Variants in RBFOX1 observed in about 807,000 individuals in gnomAD.
The protein encoded by RBFOX1 is RNA binding fox-1 homolog 1.
RBFOX1 carries 8 observed loss-of-function variants against 57.7 expected under a neutral mutation model. That is an observed-to-expected ratio of 0.14 (90% confidence interval 0.08 to 0.25). RBFOX1 has a LOEUF of 0.25. RBFOX1 is among the 10% of genes least tolerant of loss of function. The pLI is 1.00. For synonymous variants in RBFOX1, 326 were observed against 222.4 expected, an observed-to-expected ratio of 1.47 and a Z score of -4.15; for missense variants, 611 against 548.5, an observed-to-expected ratio of 1.11 and a Z score of -1.14.
intron 2 of RBFOX1, among the ~76,000 whole-genome samples, chr16:5,479,163 G>A (rs1002967493): frequency 9.9e-5 from 15 of 152,008 alleles, no homozygotes; most frequent in African/African-American, 2.9e-4. Flanking sequence ...AGACTTCCTC[G>A]GCCCTCATTA....
At chr16:6,151,128 A>G (rs1351102309) in intron 1 of RBFOX1, among the ~76,000 whole-genome samples, 5 of 152,128 alleles carry the variant, frequency 3.3e-5, no homozygotes, top group Non-Finnish European at 7.4e-5. Context: ...CCATAAATAC[A>G]TATTTGCTGA....
intron 4 of RBFOX1, among the ~76,000 whole-genome samples, chr16:7,144,255 T>G (rs963585257): frequency 3.9e-5 from 6 of 152,114 alleles, no homozygotes; most frequent in African/African-American, 1.2e-4. Flanking sequence ...GAGTGTTTAA[T>G]GAAAGCAAAG....
At chr16:6,059,159 T>C (rs2095653501) in intron 1 of RBFOX1, 1 of 152,228 alleles carries the variant, frequency 6.6e-6, no homozygotes, top group African/African-American at 2.4e-5. Context: ...AGGTGAATAA[T>C]TCATCTGGAC....
At chr16:5,353,211 T>C (rs769367993) in intron 1 of RBFOX1, among the ~76,000 whole-genome samples, 36 of 151,954 alleles carry the variant, frequency 2.4e-4, no homozygotes, top group Admixed American at 9.8e-4. Context: ...CCATCTCTAC[T>C]AAAAATAAAT....
At chr16:5,929,692 C>A (rs2059009047) in intron 4 of RBFOX1, among the ~76,000 whole-genome samples, 1 of 152,102 alleles carries the variant, frequency 6.6e-6, no homozygotes, top group Non-Finnish European at 1.5e-5. Flanking sequence ...TCTGAGTGAT[C>A]ATCCCTGAGC....
chr16:7,315,462 C>G (rs4491517), intron 4 of RBFOX1, among the ~76,000 whole-genome samples: 5,134 of 148,148 alleles, frequency 0.035, 185 homozygotes, highest in Non-Finnish European at 0.043. Context: ...CCCTACCCCC[C>G]CCCCCATACT....
intron 1 of RBFOX1, among the ~76,000 whole-genome samples, chr16:5,428,764 G>A (rs938141464): frequency 6.6e-6 from 1 of 152,180 alleles, no homozygotes; most frequent in East Asian, 1.9e-4. Context: ...TGGAGAAATT[G>A]AGTATAACTT....
At chr16:6,773,950 C>G in intron 3 of RBFOX1, 1 of 985,254 alleles carries the variant, frequency 1.0e-6, no homozygotes, top group Non-Finnish European at 1.2e-6. Context: ...TGTGTGCACA[C>G]GCACATGGTT....
chr16:7,486,503 TTC>T (rs1031752036), intron 4 of RBFOX1, among the ~76,000 whole-genome samples: 2 of 152,052 alleles, frequency 1.3e-5, no homozygotes, highest in Non-Finnish European at 2.9e-5. Flanking sequence ...GTCACTTAAC[TTC>T]TCTCGGTTTT....
intron 1 of RBFOX1, among the ~76,000 whole-genome samples, chr16:6,139,766 T>A (rs114292027): frequency 6.6e-6 from 1 of 152,190 alleles, no homozygotes; most frequent in African/African-American, 2.4e-5. Context: ...TTTCTCCTTA[T>A]GTATCTGTTT....
chr16:6,758,610 T>G (rs1322223030), intron 3 of RBFOX1, among the ~76,000 whole-genome samples: 2 of 152,214 alleles, frequency 1.3e-5, no homozygotes, highest in Non-Finnish European at 2.9e-5. Flanking sequence ...TGATTGATTC[T>G]ATAATGCAAA....
chr16:7,172,701 T>G (rs1013079114), intron 4 of RBFOX1, among the ~76,000 whole-genome samples: 4 of 152,112 alleles, frequency 2.6e-5, no homozygotes, highest in Non-Finnish European at 5.9e-5. Flanking sequence ...CAGAGGGGGA[T>G]CTTGACACAC....
intron 3 of RBFOX1, among the ~76,000 whole-genome samples, chr16:5,605,650 A>G (rs1181851323): frequency 6.6e-6 from 1 of 150,972 alleles, no homozygotes. Flanking sequence ...TTGATGAGTA[A>G]GTCTGCCTTG....
At chr16:6,866,541 A>AATTTTTTTTTTTTTTTTT (rs761820657) in intron 3 of RBFOX1, among the ~76,000 whole-genome samples, 1 of 78,886 alleles carries the variant, frequency 1.3e-5, no homozygotes, top group African/African-American at 5.6e-5. Flanking sequence ...CTTTCCTTCT[A>AATTTTTTTTTTTTTTTTT]TTTTTTTTTT....
At chr16:7,233,325 T>G (rs2103402) in intron 4 of RBFOX1, among the ~76,000 whole-genome samples, 101,677 of 151,794 alleles carry the variant, frequency 0.67, 35,748 homozygotes, top group East Asian at 0.96. Flanking sequence ...TTAAAAGAAT[T>G]ATCCCAGCTC....
At chr16:7,165,959 C>CATACAT (rs1373361673) in intron 4 of RBFOX1, among the ~76,000 whole-genome samples, 1 of 75,588 alleles carries the variant, frequency 1.3e-5, no homozygotes, top group Admixed American at 1.5e-4. Context: ...CACACACACA[C>CATACAT]ACACACATAC....
intron 1 of RBFOX1, among the ~76,000 whole-genome samples, chr16:5,288,380 C>T (rs2063451427): frequency 1.3e-5 from 2 of 152,262 alleles, no homozygotes; most frequent in East Asian, 1.9e-4. Flanking sequence ...AGAGCTCTTT[C>T]CCTTCATAAT....
Position 7,634,599 on chromosome 16 carries a change from C to G in RBFOX1, c.757+3916C>G, listed in dbSNP as rs559764534. Among the ~76,000 whole-genome samples the G allele has an allele frequency of 1.5e-4, 23 of 152,208 alleles. No homozygotes were observed. The East Asian group carries it at 3.9e-3, about 26-fold the overall frequency. ...TTTCTCCCCCATTAAGTGAATCATC[C>G]TAACAATGTGACCCAGGACTCATAA... On this transcript the variant is annotated intron_variant, in intron 11 of 15. Coordinates refer to ENST00000550418, the MANE Select transcript of RBFOX1 (RefSeq NM_018723.4).
chr16:6,698,122 C>T (rs926510098), intron 3 of RBFOX1, among the ~76,000 whole-genome samples: 16 of 152,162 alleles, frequency 1.1e-4, no homozygotes, highest in Non-Finnish European at 1.8e-4. Flanking sequence ...TTTTGTTACT[C>T]ATGAATTAAG....
Sources: gnomAD v4.1 joint callset for allele counts (sites outside exome capture counted in the v4.1 genomes callset) on GRCh38, gnomAD v4.1.1 for gene constraint, MANE v1.5 for transcripts, NCBI Gene and HGNC (gene_info 2026-07-23, HGNC 2026-07-21) for gene names.